ZFP91: variants seen among roughly 807,000 people sequenced by gnomAD.
ZFP91 encodes ZFP91 zinc finger protein, atypical E3 ubiquitin ligase.
Under a neutral mutation model 63.5 loss-of-function variants are expected in ZFP91, and 7 were observed. The observed-to-expected ratio is 0.11, with a 90% CI of 0.06 to 0.21. The LOEUF is 0.21. ZFP91 is among the 10% of genes least tolerant of loss of function. The pLI, the probability that ZFP91 is intolerant of heterozygous loss-of-function variation, is 1.00. For synonymous variants in ZFP91, 330 were observed against 272.1 expected (o/e 1.21, Z -2.10); for missense variants, 628 against 736.6 (o/e 0.85, Z 1.71).
Position 58,612,305 on chromosome 11 carries a change from A to G in ZFP91, c.885A>G (p.Lys295=). The change falls in exon 7 of 11, where the codon AAA becomes AAG. Residue 295 remains lysine, a synonymous_variant. Transcript: ENST00000316059. ...RKRGRRRKDD[K]SPRLPKRRKK... ...GAGGAAGAAGACGAAAAGATGACAA[A>G]AGTCCACGTTTACCCAAAAGGAGGT... 1 of 1,613,738 alleles carries G rather than the reference A, an allele frequency of 6.2e-7. No homozygotes were observed. Among genetic ancestry groups the G allele is most frequent in the Non-Finnish European group, 8.5e-7 (1 of 1,179,764 alleles).
At chr11:58,583,519 A>T (rs1234361510) in intron 1 of ZFP91, among the ~76,000 whole-genome samples, 1 of 143,474 alleles carries the variant, frequency 7.0e-6, no homozygotes, top group Non-Finnish European at 1.5e-5. Flanking sequence ...GAAAAAACTT[A>T]CAGTTCTTTG....
intron 9 of ZFP91, among the ~76,000 whole-genome samples, chr11:58,615,120 C>T (rs755348265): frequency 3.3e-5 from 5 of 152,172 alleles, no homozygotes; most frequent in Non-Finnish European, 7.4e-5. Flanking sequence ...TTTCACTTTT[C>T]CTTCTCTGTG....
intron 9 of ZFP91, among the ~76,000 whole-genome samples, chr11:58,615,101 A>T (rs757217977): frequency 7.9e-5 from 12 of 152,186 alleles, no homozygotes; most frequent in Non-Finnish European, 1.3e-4. Context: ...AAAGTTACTT[A>T]ACTTCTCTTT....
At chr11:58,614,697 G>A (rs1855722279) in intron 9 of ZFP91, among the ~76,000 whole-genome samples, 1 of 152,096 alleles carries the variant, frequency 6.6e-6, no homozygotes, top group Non-Finnish European at 1.5e-5. Context: ...TAAGAAACTA[G>A]AAGCTTGGCA....
At position 58,611,596 on chromosome 11, in the gene ZFP91, GT is replaced by G; in HGVS notation, c.723-4del. The stretch of plus-strand genomic sequence containing the variant: ...TTGTCTAGTATTGAAATGCATTTGT[GT>G]TTTCAGGGAAACCCCAAAGCCACGG... On this transcript the variant is annotated splice_region_variant and splice_polypyrimidine_tract_variant and intron_variant, in intron 5 of 10. Coordinates refer to ENST00000316059, the MANE Select transcript of ZFP91 (RefSeq NM_053023.5). 1 of 1,610,324 alleles carries G rather than the reference GT, an allele frequency of 6.2e-7. No homozygotes were observed. The highest frequency in any genetic ancestry group is 8.5e-7 in the Non-Finnish European group (1 of 1,178,258).
intron 2 of ZFP91, among the ~76,000 whole-genome samples, chr11:58,608,524 T>C (rs771502939): frequency 2.0e-5 from 3 of 152,190 alleles, no homozygotes; most frequent in Non-Finnish European, 4.4e-5. Context: ...ATCCCCAATA[T>C]GATACATGAA....
chr11:58,588,696 A>G (rs1018329386), intron 2 of ZFP91, among the ~76,000 whole-genome samples: 1 of 152,038 alleles, frequency 6.6e-6, no homozygotes, highest in African/African-American at 2.4e-5. Context: ...CTTCCTTTAC[A>G]GATGTGTCTG....
At chr11:58,595,991 C>T (rs999553528) in intron 2 of ZFP91, among the ~76,000 whole-genome samples, 1 of 152,112 alleles carries the variant, frequency 6.6e-6, no homozygotes, top group Non-Finnish European at 1.5e-5. Flanking sequence ...GCACCACCTC[C>T]CCCTCACAAA....
intron 2 of ZFP91, among the ~76,000 whole-genome samples, chr11:58,605,717 GATA>G (rs1565222612): frequency 6.6e-6 from 1 of 151,918 alleles, no homozygotes; most frequent in Non-Finnish European, 1.5e-5. Context: ...TCTACCGATT[GATA>G]ATAATGTGTC....
chr11:58,590,631 T>C (rs928714597), intron 2 of ZFP91, among the ~76,000 whole-genome samples: 1 of 152,222 alleles, frequency 6.6e-6, no homozygotes, highest in Non-Finnish European at 1.5e-5. Context: ...GATATACTGC[T>C]CCATTTACTT....
Position 58,579,635 on chromosome 11 carries a change from C to G in ZFP91, c.341+13C>G. On this transcript the variant is annotated intron_variant, in intron 1 of 10. Coordinates refer to ENST00000316059, the MANE Select transcript of ZFP91 (RefSeq NM_053023.5). ...GTCCGCGACTCCTGTGAGTAACAGT[C>G]TTTCAGGCGGTGGGAAAGACCCCCC... The G allele has an allele frequency of 6.5e-7, 1 of 1,542,280 alleles. No individual in the cohort carries two copies. Among genetic ancestry groups the G allele is most frequent in the African/African-American group, 1.4e-5 (1 of 69,774 alleles).
Position 58,617,379 on chromosome 11 carries a change from G to A in ZFP91, c.1386G>A (p.Leu462=), listed in dbSNP as rs140702765. 1.0e-4 allele frequency: 169 copies of A among 1,613,654 alleles called. No individual in the cohort carries two copies. The highest frequency in any genetic ancestry group is 1.1e-4 in the Non-Finnish European group (124 of 1,179,890). ...SHPEVLIAEA[L]AANAGALITS... is the part of the protein sequence containing the mutation. ...CTGAGGTGCTGATTGCAGAAGCTCT[G>A]GCTGCCAATGCAGGCGCCCTCATCA... The change falls in exon 11 of 11, where the codon CTG becomes CTA. Residue 462 remains leucine, a synonymous_variant. Transcript: ENST00000316059. The surrounding 1 kb of genome is among the most constrained non-coding windows in gnomAD (Gnocchi z 4.2).
chr11:58,611,129 T>C, intron 5 of ZFP91, 75 bp downstream of exon 5: 1 of 1,359,104 alleles, frequency 7.4e-7, no homozygotes, highest in Non-Finnish European at 1.0e-6. Context: ...TTTTATTTTA[T>C]CTGTTGCCAA....
intron 1 of ZFP91, among the ~76,000 whole-genome samples, chr11:58,580,856 TAC>T (rs1388950452): frequency 4.6e-5 from 7 of 152,230 alleles, no homozygotes; most frequent in African/African-American, 1.4e-4. Flanking sequence ...AATCTGTACT[TAC>T]AGATTCAGCT....
chr11:58,583,450 C>G (rs996353451), intron 1 of ZFP91, among the ~76,000 whole-genome samples: 2 of 151,892 alleles, frequency 1.3e-5, no homozygotes, highest in African/African-American at 4.8e-5. Flanking sequence ...ACCTTTCTTG[C>G]TGTTTCCCTT....
intron 2 of ZFP91, among the ~76,000 whole-genome samples, chr11:58,588,766 T>G (rs1855255473): frequency 6.6e-6 from 1 of 152,106 alleles, no homozygotes. Flanking sequence ...AAGAATATTT[T>G]TATTATTTCT....
rs1855774974 is a variant in ZFP91 at position 58,617,796 on chromosome 11, T to C, written c.*90T>C. 1 of 1,427,442 alleles carries C rather than the reference T, an allele frequency of 7.0e-7. No homozygotes were observed. The highest frequency in any genetic ancestry group is 9.1e-7 in the Non-Finnish European group (1 of 1,096,318). 88.4% of individuals were successfully genotyped at this position (1,427,442 alleles called of 1,614,324 possible). ...AAAAAAATCTAAAGCATTTAAAATC[T>C]AGTGAAATAACTGAAGGGCCTGCTC... is the stretch of plus-strand genomic sequence containing the variant. On this transcript the variant is annotated 3_prime_UTR_variant, in exon 11 of 11. Coordinates refer to ENST00000316059, the MANE Select transcript of ZFP91 (RefSeq NM_053023.5). This position sits in a 1 kb window ranked among gnomAD's most constrained non-coding sequence, Gnocchi z 4.2.
In ZFP91 at chr11:58,579,377, G is replaced by A. The variant is rs1855043697; in HGVS notation, c.96G>A (p.Arg32=). Residue 32 remains arginine (R), a synonymous_variant, in exon 1 of 11, where the codon CGG becomes CGA. Transcript: ENST00000316059. ...CGGCTCCGGAGGAGCCCCAACAACG[G>A]CCCCCTGAGGCGGTCGCGGCGGCGC... ...AKAAPEEPQQ[R]PPEAVAAAPA... The A allele has an allele frequency of 1.3e-6, 2 of 1,483,458 alleles. No individual in the cohort carries two copies. The highest frequency in any genetic ancestry group is 1.8e-6 in the Non-Finnish European group (2 of 1,122,530). 91.9% of individuals were successfully genotyped at this position (1,483,458 alleles called of 1,614,324 possible).
At chr11:58,584,190 C>T (rs1855165710) in intron 1 of ZFP91, among the ~76,000 whole-genome samples, 1 of 152,024 alleles carries the variant, frequency 6.6e-6, no homozygotes, top group East Asian at 1.9e-4. Context: ...GGGCAAGTTA[C>T]ATTTACTTGT....
Sources: allele counts gnomAD v4.1 joint callset (sites outside exome capture counted in the v4.1 genomes callset), GRCh38; gene constraint gnomAD v4.1.1; non-coding constraint Gnocchi (gnomAD v3.1); transcripts MANE v1.5; gene names NCBI Gene and HGNC (gene_info 2026-07-23, HGNC 2026-07-21).